The following NPIPB9 variants were observed in gnomAD, a reference collection of about 807,000 sequenced individuals.
NPIPB9 encodes the protein nuclear pore complex-interacting protein family member B9.
A neutral mutation model predicts 5.6 loss-of-function variants in NPIPB9; 1 was observed. The observed-to-expected ratio is 0.18, with a 90% CI of 0.06 to 0.84. The LOEUF is 0.84. Among genes scored for constraint, NPIPB9 ranks in the 40% least tolerant of loss-of-function variants. NPIPB9 has a pLI of 0.70. For synonymous variants in NPIPB9, 2 were observed against 12.5 expected (o/e 0.16, Z 1.77); for missense variants, 3 against 39.1 (o/e 0.08, Z 2.46).
At chr16:28,752,555 T>G in exon 1 of NPIPB9, 1 of 1,369,794 alleles carries the variant, frequency 7.3e-7, no homozygotes, top group Non-Finnish European at 1.0e-6. Context: ...CAGCAGCATG[T>G]AAAGTCAGTG....
At chr16:28,767,343 A>C (rs1294996485) in intron 5 of NPIPB9, among the ~76,000 whole-genome samples, 3 of 97,472 alleles carry the variant, frequency 3.1e-5, no homozygotes, top group Non-Finnish European at 6.7e-5. Flanking sequence ...CTACAGGCAT[A>C]TGCCACCATG....
chr16:28,756,273 C>T (rs1462470077), intron 1 of NPIPB9, among the ~76,000 whole-genome samples: 5 of 131,056 alleles, frequency 3.8e-5, no homozygotes, highest in Non-Finnish European at 6.8e-5. Flanking sequence ...GGTACGATCT[C>T]GGCTCACTGC....
Position 28,756,152 on chromosome 16 carries a change from C to T in NPIPB9, c.26-1846C>T, listed in dbSNP as rs1293483254. 2.2e-5 allele frequency among the ~76,000 whole-genome samples: 2 copies of T among 90,886 alleles called. 1 individual carries two copies. Among genetic ancestry groups the T allele is most frequent in the Non-Finnish European group, 5.2e-5 (2 of 38,682 alleles). The allele number at this position is 90,886 out of a possible 152,430, so 59.6% of individuals were successfully genotyped here. ...CTAATCTGACTTCAACCCCCACTTA[C>T]TTGGTCTCTCCTTTTACAACCAACA... is the stretch of plus-strand genomic sequence containing the variant. On this transcript the variant is annotated intron_variant, in intron 1 of 7. Coordinates refer to ENST00000550983, the Ensembl canonical transcript of NPIPB9.
At chr16:28,767,054 A>G (rs1172344985) in intron 5 of NPIPB9, among the ~76,000 whole-genome samples, 1 of 53,546 alleles carries the variant, frequency 1.9e-5, no homozygotes, top group African/African-American at 8.2e-5. Context: ...ATTTTGAGAT[A>G]GAATCTCGCT....
intron 1 of NPIPB9, among the ~76,000 whole-genome samples, chr16:28,753,527 T>TACACAC (rs1207972280): frequency 1.7e-4 from 7 of 40,662 alleles, no homozygotes; most frequent in Admixed American, 6.1e-4. Context: ...CACACACACA[T>TACACAC]ACATACACAC....
intron 2 of NPIPB9, among the ~76,000 whole-genome samples, chr16:28,760,314 A>ATTTTT (rs1223557384): frequency 4.4e-5 from 1 of 22,494 alleles, no homozygotes; most frequent in East Asian, 2.1e-3. Context: ...CACCTTGGTA[A>ATTTTT]TTTTTTTTTT....
Position 28,756,253 on chromosome 16 carries a change from G to A in NPIPB9, c.26-1745G>A, listed in dbSNP as rs569241095. Reference sequence around the variant, plus strand: ...CTCATTCCATTCTGTCACCCAGGCTGGAGTGCAATGGTACGATCTCGGCTC... The same window carrying A: ...CTCATTCCATTCTGTCACCCAGGCTAGAGTGCAATGGTACGATCTCGGCTC... On this transcript the variant is annotated intron_variant, in intron 1 of 7. Coordinates refer to ENST00000550983, the Ensembl canonical transcript of NPIPB9. Among the ~76,000 whole-genome samples, 192 of 131,384 alleles carry A rather than the reference G, an allele frequency of 1.5e-3. 5 individuals are homozygous for A. In the East Asian group the frequency reaches 0.037, roughly 25 times the overall value. 86.2% of individuals were successfully genotyped at this position (131,384 alleles called of 152,430 possible). A position where few individuals can be genotyped will look rare whatever the true frequency, so the allele number is the denominator to read the frequency against.
At position 28,760,559 on chromosome 16, in the gene NPIPB9, C is replaced by T. The variant is rs1481605751; in HGVS notation, c.112-1692C>T. Among the ~76,000 whole-genome samples, 6 of 36,734 alleles carry T rather than the reference C, an allele frequency of 1.6e-4. 1 individual carries two copies. The highest frequency in any genetic ancestry group is 6.9e-4 in the African/African-American group (3 of 4,318). The allele number at this position is 36,734 out of a possible 152,430, so 24.1% of individuals were successfully genotyped here. A position where few individuals can be genotyped will look rare whatever the true frequency, so the allele number is the denominator to read the frequency against. On this transcript the variant is annotated intron_variant, in intron 2 of 7. Transcript: ENST00000550983. ...TAGGATGGTCTCAATCTCCTGATCT[C>T]GTGGTCCACCCACCTCGGCTTCCCA... is the stretch of plus-strand genomic sequence containing the variant.
At chr16:28,765,101 A>ATTTTTT (rs1160508157) in intron 3 of NPIPB9, among the ~76,000 whole-genome samples, 1 of 40,188 alleles carries the variant, frequency 2.5e-5, no homozygotes, top group Non-Finnish European at 5.0e-5. Flanking sequence ...TATTCATGTC[A>ATTTTTT]TTTTTTTTTT....
At chr16:28,755,005 T>C (rs1308845469) in intron 1 of NPIPB9, among the ~76,000 whole-genome samples, 2 of 119,416 alleles carry the variant, frequency 1.7e-5, no homozygotes, top group Non-Finnish European at 3.6e-5. Flanking sequence ...TTTGGAAGGA[T>C]ATCAAGAGTA....
At chr16:28,756,365 T>C (rs2048821467) in intron 1 of NPIPB9, among the ~76,000 whole-genome samples, 2 of 106,080 alleles carry the variant, frequency 1.9e-5, no homozygotes, top group Admixed American at 1.1e-4. Flanking sequence ...CCACCATGCC[T>C]GGCTAATTTT....
chr16:28,767,278 C>T lies in NPIPB9; in HGVS notation c.590+789C>T, dbSNP rs1342858501. Among the ~76,000 whole-genome samples the T allele has an allele frequency of 1.9e-4, 20 of 107,446 alleles. 4 individuals carry two copies. Among genetic ancestry groups the T allele is most frequent in the African/African-American group, 6.7e-4 (20 of 29,880 alleles). 70.5% of individuals were successfully genotyped at this position (107,446 alleles called of 152,430 possible). On this transcript the variant is annotated intron_variant, in intron 5 of 7. Transcript: ENST00000550983. ...TGGCATGATCTTGGCTCACTGCAAC[C>T]TCTGCTTCCCAGGTTCAAGTGATTC...
intron 1 of NPIPB9, among the ~76,000 whole-genome samples, chr16:28,756,554 A>G (rs1596752128): frequency 1.3e-5 from 1 of 79,270 alleles, no homozygotes; most frequent in African/African-American, 3.9e-5. Context: ...TGAATTCCAT[A>G]GTTTTGTTAA....
At chr16:28,753,531 T>TAC (rs1158927991) in intron 1 of NPIPB9, among the ~76,000 whole-genome samples, 3,918 of 41,982 alleles carry the variant, frequency 0.093, 599 homozygotes, top group African/African-American at 0.22. Flanking sequence ...CACACATACA[T>TAC]ACACACACAC....
At chr16:28,760,300 T>C (rs1470504574) in intron 2 of NPIPB9, among the ~76,000 whole-genome samples, 1 of 43,996 alleles carries the variant, frequency 2.3e-5, no homozygotes, top group African/African-American at 8.9e-5. Flanking sequence ...ATTTTCATGA[T>C]CTCCACCTTG....
intron 3 of NPIPB9, among the ~76,000 whole-genome samples, chr16:28,765,807 T>G (rs1242664882): frequency 1.9e-5 from 2 of 106,998 alleles, no homozygotes; most frequent in Admixed American, 1.0e-4. Flanking sequence ...CAGGCTGGAG[T>G]ACAGTGGTGT....
At chr16:28,754,964 G>C (rs2048765031) in intron 1 of NPIPB9, among the ~76,000 whole-genome samples, 1 of 119,410 alleles carries the variant, frequency 8.4e-6, no homozygotes, top group African/African-American at 3.0e-5. Context: ...CCATATGATA[G>C]TTTTGAGGAT....
rs1386034692 is a variant in NPIPB9 at position 28,756,205 on chromosome 16, T to C, written c.26-1793T>C. ...ACCGAAATCTAGGGCTTTTTTTTTT[T>C]TTTTTTCTTTTTGAGACAGAGTCTC... On this transcript the variant is annotated intron_variant, in intron 1 of 7. Transcript: ENST00000550983. Among the ~76,000 whole-genome samples, 4 of 110,252 alleles carry C rather than the reference T, an allele frequency of 3.6e-5. 1 individual carries two copies. The highest frequency in any genetic ancestry group is 1.2e-4 in the African/African-American group (4 of 34,580). The allele number at this position is 110,252 out of a possible 152,430, so 72.3% of individuals were successfully genotyped here. A position where few individuals can be genotyped will look rare whatever the true frequency, so the allele number is the denominator to read the frequency against.
At chr16:28,767,233 T>C (rs1162486512) in intron 5 of NPIPB9, among the ~76,000 whole-genome samples, 1 of 93,940 alleles carries the variant, frequency 1.1e-5, no homozygotes, top group African/African-American at 3.9e-5. Context: ...TCTCACTCTG[T>C]CACCCAGGCT....
Sources: gnomAD v4.1 joint callset for allele counts (sites outside exome capture counted in the v4.1 genomes callset) on GRCh38, gnomAD v4.1.1 for gene constraint, MANE v1.5 for transcripts, NCBI Gene and HGNC (gene_info 2026-07-23, HGNC 2026-07-21) for gene names.